Variants in LRP12 observed in about 807,000 individuals in gnomAD.
LRP12 encodes LDL receptor related protein 12, also known as low-density lipoprotein receptor-related protein 12.
A neutral mutation model predicts 66.0 loss-of-function variants in LRP12; 14 were observed. The ratio of observed to expected loss-of-function variants is 0.21; its 90% confidence interval spans 0.14 to 0.33. The LOEUF is 0.33. Among genes scored for constraint, LRP12 ranks in the 10% least tolerant of loss-of-function variants. The pLI, the probability that LRP12 is intolerant of heterozygous loss-of-function variation, is 1.00. For missense variants in LRP12, 889 were observed against 1,053.4 expected (o/e 0.84, Z 2.16); for synonymous variants, 357 against 359.1 (o/e 0.99, Z 0.07).
chr8:104,518,882 G>A (rs888790091), intron 2 of LRP12, among the ~76,000 whole-genome samples: 8 of 152,100 alleles, frequency 5.3e-5, no homozygotes, highest in African/African-American at 1.9e-4. Flanking sequence ...AAAGAGCAAT[G>A]GACAGATACT....
At position 104,497,645 on chromosome 8, in the gene LRP12, C is replaced by A; in HGVS notation, c.907G>T (p.Asp303Tyr). 6.2e-7 allele frequency: 1 copy of A among 1,614,094 alleles called. No individual in the cohort carries two copies. Among genetic ancestry groups the A allele is most frequent in the South Asian group, 1.1e-5 (1 of 91,024 alleles). The change falls in exon 5 of 7, where the codon GAC (aspartate) becomes TAC (tyrosine). Residue 303 changes from aspartate to tyrosine, a missense_variant. Asp to Tyr is a radical substitution (Grantham distance 160). Transcript: ENST00000276654. This position sits in a 1 kb window ranked among gnomAD's most constrained non-coding sequence, Gnocchi z 4.3. ...DHRKVILRFT[D>Y]FKLDGTGYGD... is the part of the protein sequence containing the mutation. ...TAACCAGTACCATCAAGTTTAAAGTCAGTGAAGCGTAAAATGACTTTACGG... is the reference window on the plus strand; with the variant it reads ...TAACCAGTACCATCAAGTTTAAAGTAAGTGAAGCGTAAAATGACTTTACGG...
intron 2 of LRP12, among the ~76,000 whole-genome samples, chr8:104,511,406 C>T (rs541952885): frequency 6.6e-6 from 1 of 151,780 alleles, no homozygotes; most frequent in South Asian, 2.1e-4. Flanking sequence ...TGGCTATTCA[C>T]AGGCACTAGC....
At chr8:104,574,218 C>A (rs749166994) in intron 1 of LRP12, among the ~76,000 whole-genome samples, 1 of 152,134 alleles carries the variant, frequency 6.6e-6, no homozygotes, top group African/African-American at 2.4e-5. Flanking sequence ...ATGTTATTTA[C>A]GGTAATATGT....
At position 104,491,165 on chromosome 8, in the gene LRP12, T is replaced by C. The variant is rs748599013; in HGVS notation, c.2088A>G (p.Ser696=). ...CATGACCACCTCGGGTACTCTGAGT[T>C]GAGGAACTTGCACATGCTCCTACTG... is the stretch of plus-strand genomic sequence containing the variant. ...EATVGACASS[S]TQSTRGGHAD... The change falls in exon 7 of 7, where the codon TCA becomes TCG. Residue 696 remains serine (S), a synonymous_variant. Coordinates refer to ENST00000276654, the MANE Select transcript of LRP12 (RefSeq NM_013437.5). 7.4e-6 allele frequency: 12 copies of C among 1,614,018 alleles called. No homozygotes were observed. Among genetic ancestry groups the C allele is most frequent in the Non-Finnish European group, 1.0e-5 (12 of 1,180,040 alleles).
At chr8:104,549,752 C>G (rs998547579) in intron 1 of LRP12, among the ~76,000 whole-genome samples, 1 of 152,128 alleles carries the variant, frequency 6.6e-6, no homozygotes, top group South Asian at 2.1e-4. Flanking sequence ...AGAACAGTAT[C>G]ACTGTAAATT....
intron 1 of LRP12, among the ~76,000 whole-genome samples, chr8:104,539,276 ATTTG>A (rs142320699): frequency 0.024 from 3,628 of 152,260 alleles, 104 homozygotes; most frequent in African/African-American, 0.065. Context: ...AAGAAAGCAT[ATTTG>A]TTCTTTTAGA....
chr8:104,577,933 CCA>C (rs1812191109), intron 1 of LRP12, among the ~76,000 whole-genome samples: 1 of 151,832 alleles, frequency 6.6e-6, no homozygotes, highest in African/African-American at 2.4e-5. Flanking sequence ...CACTAAATGC[CCA>C]CATCAAAAAG....
intron 2 of LRP12, among the ~76,000 whole-genome samples, chr8:104,512,185 C>T (rs1052536241): frequency 6.6e-6 from 1 of 152,068 alleles, no homozygotes; most frequent in African/African-American, 2.4e-5. Context: ...GGTGTGGTGG[C>T]GTGCACCTGT....
intron 1 of LRP12, among the ~76,000 whole-genome samples, chr8:104,540,581 C>A (rs913169849): frequency 1.3e-5 from 2 of 152,224 alleles, no homozygotes; most frequent in African/African-American, 4.8e-5. Flanking sequence ...TACTGGTATC[C>A]TAAAAGTATT....
intron 1 of LRP12, among the ~76,000 whole-genome samples, chr8:104,584,606 C>T (rs1286645646): frequency 6.6e-6 from 1 of 152,118 alleles, no homozygotes; most frequent in African/African-American, 2.4e-5. Flanking sequence ...ATTCAAATCT[C>T]CTCCATACTC....
intron 1 of LRP12, among the ~76,000 whole-genome samples, chr8:104,546,903 A>ATTTTG (rs1811568656): frequency 2.1e-5 from 3 of 143,272 alleles, no homozygotes; most frequent in Non-Finnish European, 3.0e-5. Flanking sequence ...TTATTATTAT[A>ATTTTG]TATATTATAT....
chr8:104,543,182 GTGT>G (rs1218234237), intron 1 of LRP12, among the ~76,000 whole-genome samples: 1 of 151,878 alleles, frequency 6.6e-6, no homozygotes, highest in Admixed American at 6.6e-5. Flanking sequence ...TGCAGATACA[GTGT>G]TGTTTTTCTG....
chr8:104,519,928 A>G (rs1300613748), intron 2 of LRP12, among the ~76,000 whole-genome samples: 1 of 152,098 alleles, frequency 6.6e-6, no homozygotes, highest in Non-Finnish European at 1.5e-5. Context: ...GCTGTAATCA[A>G]GGCAGGTAAT....
Position 104,556,530 on chromosome 8 carries a change from G to C in LRP12, c.80-24567C>G, listed in dbSNP as rs139427429. On this transcript the variant is annotated intron_variant, in intron 1 of 6. Coordinates refer to ENST00000276654, the MANE Select transcript of LRP12 (RefSeq NM_013437.5). Reference sequence around the variant, plus strand: ...CAAACACCTTTATGCACACAAATGAGAAAACCTAGAGAAGATGAATAAATT... The same window carrying C: ...CAAACACCTTTATGCACACAAATGACAAAACCTAGAGAAGATGAATAAATT... Among the ~76,000 whole-genome samples, 351 of 152,060 alleles carry C rather than the reference G, an allele frequency of 2.3e-3. 5 individuals carry two copies. Among genetic ancestry groups the C allele is most frequent in the African/African-American group, 7.2e-3 (300 of 41,502 alleles).
intron 1 of LRP12, among the ~76,000 whole-genome samples, chr8:104,578,557 T>C (rs1009147567): frequency 6.6e-6 from 1 of 152,156 alleles, no homozygotes; most frequent in Non-Finnish European, 1.5e-5. Flanking sequence ...ATCATCCTGA[T>C]ACCAAAACCT....
rs144658833 is a variant in LRP12, at chr8:104,530,951, C to T, written c.136+956G>A. Among the ~76,000 whole-genome samples, 903 of 151,930 alleles carry T rather than the reference C, an allele frequency of 5.9e-3. 11 individuals carry two copies. Among genetic ancestry groups the T allele is most frequent in the African/African-American group, 0.021 (849 of 41,334 alleles). Reference sequence around the variant, plus strand: ...TGCAGGCACTGAAGCACTTGCTTTGCGTTTTCAGGAAACTAGGCTTGTTGG... The same window carrying T: ...TGCAGGCACTGAAGCACTTGCTTTGTGTTTTCAGGAAACTAGGCTTGTTGG... On this transcript the variant is annotated intron_variant, in intron 2 of 6. Transcript: ENST00000276654.
rs185444231 is a variant in LRP12 at position 104,587,808 on chromosome 8, A to C, written c.79+1011T>G. Among the ~76,000 whole-genome samples, 254 of 152,362 alleles carry C rather than the reference A, an allele frequency of 1.7e-3. 1 individual carries two copies. Among genetic ancestry groups the C allele is most frequent in the South Asian group, 3.3e-3 (16 of 4,830 alleles). ...AGACTTTTTATAAGTAAAATTTACC[A>C]AAGTAATGATATCTTCTAATTCTTT... On this transcript the variant is annotated intron_variant, in intron 1 of 6. Coordinates refer to ENST00000276654, the MANE Select transcript of LRP12 (RefSeq NM_013437.5).
At chr8:104,498,265 G>A (rs1166394679) in intron 4 of LRP12, among the ~76,000 whole-genome samples, 189 bp from the exon 5 acceptor site, 1 of 152,142 alleles carries the variant, frequency 6.6e-6, no homozygotes, top group Non-Finnish European at 1.5e-5. Context: ...AGGATGTGCA[G>A]GTTTGTTACA....
At chr8:104,548,381 AATATATAAT>A (rs1811662279) in intron 1 of LRP12, among the ~76,000 whole-genome samples, 1 of 65,770 alleles carries the variant, frequency 1.5e-5, no homozygotes, top group South Asian at 3.9e-4. Context: ...ATATTATATA[AATATATAAT>A]ATATATTATA....
Sources: allele counts gnomAD v4.1 joint callset (sites outside exome capture counted in the v4.1 genomes callset), GRCh38; gene constraint gnomAD v4.1.1; non-coding constraint Gnocchi (gnomAD v3.1); transcripts MANE v1.5; gene names NCBI Gene and HGNC (gene_info 2026-07-23, HGNC 2026-07-21).